Variants in MICAL3 observed in about 807,000 individuals in gnomAD.
MICAL3 encodes [F-actin]-monooxygenase MICAL3.
Under a neutral mutation model 207.4 loss-of-function variants are expected in MICAL3, and 62 were observed. The ratio of observed to expected loss-of-function variants is 0.30; its 90% CI spans 0.24 to 0.37. MICAL3 has a LOEUF of 0.37. Ranked by LOEUF, MICAL3 falls within the 10% of genes least tolerant of loss-of-function variation. The pLI, the probability that MICAL3 is intolerant of heterozygous loss-of-function variation, is 1.00. For missense variants in MICAL3, 2,368 were observed against 2,635.6 expected (o/e 0.90, Z 2.22); for synonymous variants, 1,077 against 1,069.3 (o/e 1.01, Z -0.14).
At chr22:17,880,001 C>G (rs1929268683) in intron 16 of MICAL3, among the ~76,000 whole-genome samples, 1 of 152,168 alleles carries the variant, frequency 6.6e-6, no homozygotes, top group African/African-American at 2.4e-5. Flanking sequence ...TCCGAGGAGC[C>G]AGAAGCGGCA....
chr22:17,880,655 T>C (rs368456857), intron 16 of MICAL3, among the ~76,000 whole-genome samples: 2 of 151,544 alleles, frequency 1.3e-5, no homozygotes, highest in South Asian at 2.1e-4. Flanking sequence ...ACTGGCCTGC[T>C]GTCCTCACTG....
intron 8 of MICAL3, 139 bp from the exon 9 acceptor site, chr22:17,896,500 A>C (rs1244467486): frequency 2.7e-6 from 2 of 745,454 alleles, no homozygotes; most frequent in African/African-American, 3.5e-5. Flanking sequence ...TCCTTCCCAG[A>C]TTGGCAAGGA....
intron 1 of MICAL3, among the ~76,000 whole-genome samples, chr22:17,936,912 G>T (rs1282344079): frequency 6.6e-6 from 1 of 152,202 alleles, no homozygotes; most frequent in African/African-American, 2.4e-5. Flanking sequence ...GACTCCTTTG[G>T]TAGGTCTCCT....
chr22:17,814,016 T>C (rs951345135), intron 27 of MICAL3: 3 of 152,252 alleles, frequency 2.0e-5, no homozygotes, highest in African/African-American at 4.8e-5. Context: ...AATAAGTATT[T>C]TGACTGGTTT....
intron 15 of MICAL3, among the ~76,000 whole-genome samples, 168 bp downstream of exon 15, chr22:17,886,988 CAAAAAAAAAAAAAA>C (rs55999508): frequency 2.4e-5 from 1 of 41,348 alleles, no homozygotes; most frequent in East Asian, 8.5e-4. Context: ...ACTCTTGTCT[CAAAAAAAAAAAAAA>C]AAAAAAAAAA....
At chr22:17,911,920 C>T (rs183884126) in intron 1 of MICAL3, among the ~76,000 whole-genome samples, 150 of 90,288 alleles carry the variant, frequency 1.7e-3, no homozygotes, top group Middle Eastern at 5.5e-3. Context: ...CAACATGCCT[C>T]GGGCTCCTGA....
intron 1 of MICAL3, among the ~76,000 whole-genome samples, chr22:17,981,951 C>T (rs764563427): frequency 1.7e-4 from 26 of 151,836 alleles, no homozygotes; most frequent in Non-Finnish European, 3.1e-4. Flanking sequence ...AAAAAATTAA[C>T]GAAATTAGCA....
chr22:17,972,830 A>G (rs1026967618), intron 1 of MICAL3, among the ~76,000 whole-genome samples: 2 of 152,234 alleles, frequency 1.3e-5, no homozygotes, highest in East Asian at 3.8e-4. Flanking sequence ...AAGCCAGGAA[A>G]TTCAAAGGTC....
At chr22:17,826,608 A>T in intron 22 of MICAL3, 5 of 652,060 alleles carry the variant, frequency 7.7e-6, no homozygotes, top group Non-Finnish European at 9.5e-6. Flanking sequence ...TCCCAAAGAG[A>T]AAGAAAGTGA....
intron 1 of MICAL3, among the ~76,000 whole-genome samples, chr22:17,958,696 G>GTTTTTTTTTTTTTTTTT (rs1569147160): frequency 7.9e-6 from 1 of 126,354 alleles, no homozygotes; most frequent in Non-Finnish European, 1.6e-5. Context: ...TGAGTTGTTG[G>GTTTTTTTTTTTTTTTTT]GTTTTTTTAT....
chr22:17,916,198 G>A (rs1378844239), intron 1 of MICAL3, among the ~76,000 whole-genome samples: 3 of 151,650 alleles, frequency 2.0e-5, no homozygotes, highest in South Asian at 4.2e-4. Context: ...GGTAATCAAT[G>A]TCTATGCCCA....
chr22:17,853,808 TG>T (rs1354506518), intron 19 of MICAL3, among the ~76,000 whole-genome samples: 1 of 152,224 alleles, frequency 6.6e-6, no homozygotes, highest in Non-Finnish European at 1.5e-5. Flanking sequence ...GCACATCCAC[TG>T]GGGTACAGAA....
intron 29 of MICAL3, among the ~76,000 whole-genome samples, chr22:17,804,599 C>T (rs891826342): frequency 6.6e-6 from 1 of 152,190 alleles, no homozygotes; most frequent in African/African-American, 2.4e-5. Context: ...AGCTGTCTGG[C>T]CAAGAGCGCT....
rs1386684112 is a variant in MICAL3, at chr22:17,873,468, CCTG to C, written c.2242-1448_2242-1446del. On this transcript the variant is annotated intron_variant, in intron 16 of 31. Coordinates refer to ENST00000441493, the MANE Select transcript of MICAL3 (RefSeq NM_015241.3). ...GAAGAAGCCTTCTCAGCCCTTTCTC[CCTG>C]CTGATGTTATTGGGGGTCTGAGGGC... Among the ~76,000 whole-genome samples, 10 of 152,364 alleles carry C rather than the reference CCTG, an allele frequency of 6.6e-5. No individual in the cohort carries two copies. The East Asian group carries it at 1.7e-3, about 26-fold the overall frequency.
At position 17,834,491 on chromosome 22, in the gene MICAL3, G is replaced by A. The variant is rs993587619; in HGVS notation, c.2802-2384C>T. On this transcript the variant is annotated intron_variant, in intron 20 of 31. Coordinates refer to ENST00000441493, the MANE Select transcript of MICAL3 (RefSeq NM_015241.3). ...AGCACTGTGGGAGGCTGAGGTGGGTGGATCATTTGAGCCCAGGAGTTTGAG... is the reference window on the plus strand; with the variant it reads ...AGCACTGTGGGAGGCTGAGGTGGGTAGATCATTTGAGCCCAGGAGTTTGAG... The A allele has an allele frequency of 9.5e-6, 12 of 1,260,648 alleles. No individual in the cohort carries two copies. The East Asian group carries it at 1.8e-4, about 19-fold the overall frequency. The allele number at this position is 1,260,648 out of a possible 1,614,324, so 78.1% of individuals were successfully genotyped here.
chr22:17,991,917 G>T (rs1360225037), intron 1 of MICAL3, among the ~76,000 whole-genome samples: 3 of 152,150 alleles, frequency 2.0e-5, no homozygotes, highest in Non-Finnish European at 4.4e-5. Context: ...CAGCTTCGAG[G>T]CCGTGGTAGA....
chr22:17,793,139 G>A lies in MICAL3; in HGVS notation c.5651-1838C>T, dbSNP rs1001477170. 3.3e-5 allele frequency among the ~76,000 whole-genome samples: 5 copies of A among 152,204 alleles called. No homozygotes were observed. The highest frequency in any genetic ancestry group is 7.2e-5 in the African/African-American group (3 of 41,450). ...GGGCTGTGGTGTGTGAGCGAGAGTC[G>A]GGTGAGCGCTGTGGACGGCAGGTAA... On this transcript the variant is annotated intron_variant, in intron 29 of 31. Coordinates refer to ENST00000441493, the MANE Select transcript of MICAL3 (RefSeq NM_015241.3). This position sits in a 1 kb window ranked among gnomAD's most constrained non-coding sequence, Gnocchi z 4.1.
Position 17,823,012 on chromosome 22 carries a change from G to A in MICAL3, c.3242C>T (p.Ala1081Val). The A allele has an allele frequency of 6.2e-7, 1 of 1,613,808 alleles. No individual in the cohort carries two copies. Among genetic ancestry groups the A allele is most frequent in the Non-Finnish European group, 8.5e-7 (1 of 1,179,766 alleles). Residue 1081 changes from alanine to valine, a missense_variant, in exon 23 of 32, where the codon GCC becomes GTC. Transcript: ENST00000441493. ...DLEEDVDSEP[A>V]EIEGEAAEDG... Reference sequence around the variant, plus strand: ...CTCTGCTGCCTCCCCTTCTATCTCGGCTGGTTCTGAGTCCACATCTTCCTC... The same window carrying A: ...CTCTGCTGCCTCCCCTTCTATCTCGACTGGTTCTGAGTCCACATCTTCCTC...
chr22:17,879,209 T>C (rs867383902), intron 16 of MICAL3: 2 of 652,826 alleles, frequency 3.1e-6, no homozygotes, highest in South Asian at 4.5e-5. Flanking sequence ...ATTCTGGCTC[T>C]TGGCTGGGTG....
Sources: gnomAD v4.1 joint callset for allele counts (sites outside exome capture counted in the v4.1 genomes callset) on GRCh38, gnomAD v4.1.1 for gene constraint, Gnocchi (gnomAD v3.1) non-coding constraint, MANE v1.5 for transcripts, NCBI Gene and HGNC (gene_info 2026-07-23, HGNC 2026-07-21) for gene names.